Variants in PAK3 observed in about 807,000 individuals in gnomAD.
PAK3 encodes p21 (RAC1) activated kinase 3, also known as serine/threonine-protein kinase PAK 3.
PAK3 carries 4 observed loss-of-function variants against 41.0 expected under a neutral mutation model. The ratio of observed to expected loss-of-function variants is 0.10; its 90% confidence interval spans 0.05 to 0.22. PAK3 has a LOEUF of 0.22. Ranked by LOEUF, PAK3 falls within the 10% of genes least tolerant of loss-of-function variation. The pLI is 1.00. For synonymous variants in PAK3, 146 were observed against 139.6 expected, an observed-to-expected ratio of 1.05 and a Z score of -0.32; for missense variants, 205 against 409.9, an observed-to-expected ratio of 0.50 and a Z score of 4.32.
At chrX:111,018,768 G>T (rs2092128420) in intron 1 of PAK3, among the ~76,000 whole-genome samples, 1 of 111,404 alleles carries the variant, frequency 9.0e-6, no homozygotes, top group Non-Finnish European at 1.9e-5. Flanking sequence ...GAATCTCAAG[G>T]GACCCCAGAT....
chrX:110,972,329 T>G (rs939265119), intron 1 of PAK3, among the ~76,000 whole-genome samples: 1 of 111,315 alleles, frequency 9.0e-6, no homozygotes, highest in African/African-American at 3.3e-5. Flanking sequence ...AGTAGGGAGT[T>G]GGCTGCCCCT....
At chrX:111,163,164 A>G (rs2094211733) in intron 9 of PAK3, 118 bp downstream of exon 9, 2 of 749,273 alleles carry the variant, frequency 2.7e-6, no homozygotes, top group Non-Finnish European at 4.1e-6. Flanking sequence ...TCCAAGAGCT[A>G]AAGTATAAAA....
chrX:111,087,942 G>T (rs2092902386), intron 1 of PAK3, among the ~76,000 whole-genome samples: 1 of 109,654 alleles, frequency 9.1e-6, no homozygotes, highest in South Asian at 4.0e-4. Flanking sequence ...GATCAGGAGA[G>T]AATAACCACA....
intron 5 of PAK3, among the ~76,000 whole-genome samples, chrX:111,141,686 T>A (rs2093874607): frequency 8.9e-6 from 1 of 111,971 alleles, no homozygotes; most frequent in Non-Finnish European, 1.9e-5. Flanking sequence ...ATTCACAATA[T>A]CTTTATTGAA....
intron 11 of PAK3, among the ~76,000 whole-genome samples, chrX:111,190,833 T>A (rs1024668250): frequency 3.6e-5 from 4 of 112,257 alleles, no homozygotes; most frequent in Non-Finnish European, 7.5e-5. Flanking sequence ...TACAAAGCAA[T>A]GTTGGAGTAT....
chrX:111,211,088 G>T (rs747479161), intron 16 of PAK3, among the ~76,000 whole-genome samples: 1 of 111,702 alleles, frequency 9.0e-6, no homozygotes, highest in East Asian at 2.8e-4. Context: ...GCAATGAAAG[G>T]CATTTCCTAT....
chrX:111,105,112 C>G (rs956250944), intron 4 of PAK3, among the ~76,000 whole-genome samples: 1 of 111,809 alleles, frequency 8.9e-6, no homozygotes, highest in African/African-American at 3.3e-5. Context: ...CACCCTCACA[C>G]ACAATCATAT....
chrX:111,056,224 TAAGCAAGCCCCC>T (rs1249683979), intron 1 of PAK3, among the ~76,000 whole-genome samples: 6 of 111,160 alleles, frequency 5.4e-5, no homozygotes, highest in Non-Finnish European at 9.4e-5. Flanking sequence ...TCTTTTCTAG[TAAGCAAGCCCCC>T]AAGCCAGCTG....
chrX:111,001,490 G>C (rs1252955336), intron 1 of PAK3, among the ~76,000 whole-genome samples: 1 of 112,278 alleles, frequency 8.9e-6, no homozygotes, highest in Non-Finnish European at 1.9e-5. Flanking sequence ...TCCTGATTTT[G>C]TGCTGTGTAA....
intron 10 of PAK3, among the ~76,000 whole-genome samples, chrX:111,164,492 G>T (rs1381364766): frequency 9.0e-6 from 1 of 110,789 alleles, no homozygotes; most frequent in Non-Finnish European, 1.9e-5. Flanking sequence ...GATGTTGCTT[G>T]TCCCTCCCAG....
intron 17 of PAK3, chrX:111,217,422 T>C: frequency 1.5e-6 from 1 of 660,497 alleles, no homozygotes; most frequent in East Asian, 8.4e-5. Context: ...TTCTTTGTGA[T>C]TTTGAACACA....
chrX:111,080,265 T>A (rs925320462), intron 1 of PAK3, among the ~76,000 whole-genome samples: 1 of 111,659 alleles, frequency 9.0e-6, no homozygotes, highest in African/African-American at 3.3e-5. Context: ...CAAACTTCTC[T>A]GTTGCCTTAT....
chrX:111,109,323 A>T (rs1047503041), intron 4 of PAK3, among the ~76,000 whole-genome samples: 6 of 112,017 alleles, frequency 5.4e-5, no homozygotes, highest in Admixed American at 2.8e-4. Flanking sequence ...AAAGGGACAG[A>T]TCCTTGACAT....
At position 111,206,065 on chromosome X, in the gene PAK3, G is replaced by A. The variant is rs189784707; in HGVS notation, c.1407+9425G>A. On this transcript the variant is annotated intron_variant, in intron 16 of 17. Coordinates refer to ENST00000372007, the MANE Select transcript of PAK3 (RefSeq NM_002578.5). The stretch of plus-strand genomic sequence containing the variant: ...TGGGAAAAGGACCAGGAGCAATGGA[G>A]CAGTCACAGAATGGGACCTAGGATC... Among the ~76,000 whole-genome samples the A allele has an allele frequency of 4.5e-5, 5 of 111,352 alleles. No individual in the cohort carries two copies. The East Asian group carries it at 1.1e-3, about 25-fold the overall frequency.
chrX:111,223,106 A>C lies in PAK3; in HGVS notation c.*2659A>C, dbSNP rs1390070183. On this transcript the variant is annotated 3_prime_UTR_variant, in exon 18 of 18. Transcript: ENST00000372007. ...GGTACAATCGAGTAACTTGAACGCC[A>C]GATTGTTAACAGTTTATTCTCTTTC... 2 of 111,083 alleles carry C rather than the reference A, an allele frequency of 1.8e-5. No individual in the cohort carries two copies. Among genetic ancestry groups the C allele is most frequent in the African/African-American group, 6.5e-5 (2 of 30,586 alleles). The allele number at this position is 111,083 out of a possible 1,213,427, so 9.2% of individuals were successfully genotyped here. A position where few individuals can be genotyped will look rare whatever the true frequency, so the allele number is the denominator to read the frequency against.
At chrX:110,968,722 A>G (rs2091132788) in intron 1 of PAK3, among the ~76,000 whole-genome samples, 1 of 111,920 alleles carries the variant, frequency 8.9e-6, no homozygotes, top group Non-Finnish European at 1.9e-5. Context: ...TATTCCAGAT[A>G]GCAGTCCTTT....
At chrX:110,987,556 T>C (rs2091566200) in intron 1 of PAK3, among the ~76,000 whole-genome samples, 1 of 111,970 alleles carries the variant, frequency 8.9e-6, no homozygotes, top group Non-Finnish European at 1.9e-5. Flanking sequence ...GTAAGTTGCT[T>C]CCCCTCTTTG....
chrX:110,984,884 T>C (rs974302819), intron 1 of PAK3, among the ~76,000 whole-genome samples: 7 of 109,869 alleles, frequency 6.4e-5, no homozygotes, highest in African/African-American at 2.3e-4. Context: ...ATTCCAGCAC[T>C]TTGGGAGGTC....
chrX:110,982,566 T>A (rs1287221401), intron 1 of PAK3, among the ~76,000 whole-genome samples: 2 of 112,169 alleles, frequency 1.8e-5, no homozygotes, highest in African/African-American at 6.5e-5. Flanking sequence ...TAGGCAGCCT[T>A]CTCCCGAAAA....
Sources: gnomAD v4.1 joint callset for allele counts (sites outside exome capture counted in the v4.1 genomes callset) on GRCh38, gnomAD v4.1.1 for gene constraint, MANE v1.5 for transcripts, NCBI Gene and HGNC (gene_info 2026-07-23, HGNC 2026-07-21) for gene names.